The following VPS35L variants were observed in gnomAD, a reference collection of about 807,000 sequenced individuals.
VPS35L encodes the protein VPS35 endosomal protein-sorting factor-like.
A neutral mutation model predicts 133.0 loss-of-function variants in VPS35L; 83 were observed. The ratio of observed to expected loss-of-function variants is 0.62; its 90% CI spans 0.52 to 0.75. VPS35L has a LOEUF of 0.75. Among genes scored for constraint, VPS35L ranks in the 30% least tolerant of loss-of-function variants. The pLI, the probability that VPS35L is intolerant of heterozygous loss-of-function variation, is 0.00. For synonymous variants in VPS35L, 423 were observed against 449.9 expected, an observed-to-expected ratio of 0.94 and a Z score of 0.76; for missense variants, 1,083 against 1,206.8, an observed-to-expected ratio of 0.90 and a Z score of 1.52.
rs1324892309 is a variant in VPS35L, at chr16:19,633,848, T to C, written c.1635+676T>C. Among the ~76,000 whole-genome samples, 1 of 152,112 alleles carries C rather than the reference T, an allele frequency of 6.6e-6. No individual in the cohort carries two copies. The highest frequency in any genetic ancestry group is 1.5e-5 in the Non-Finnish European group (1 of 68,030). On this transcript the variant is annotated intron_variant, in intron 19 of 30. Transcript: ENST00000417362. The surrounding 1 kb of genome is among the most constrained non-coding windows in gnomAD (Gnocchi z 4.1). The stretch of plus-strand genomic sequence containing the variant: ...CACCTTCAATTCTTCTGTCTCAGCC[T>C]TCCGAGTAGCTGGGACTACAGGGGC...
chr16:19,673,297 G>A (rs1974938838), intron 27 of VPS35L, among the ~76,000 whole-genome samples: 1 of 152,214 alleles, frequency 6.6e-6, no homozygotes, highest in Non-Finnish European at 1.5e-5. Flanking sequence ...GTAGATCACA[G>A]AAAATCCCAG....
chr16:19,699,556 C>T lies in VPS35L; in HGVS notation c.2701C>T (p.His901Tyr). 1 of 1,614,212 alleles carries T rather than the reference C, an allele frequency of 6.2e-7. No homozygotes were observed. Among genetic ancestry groups the T allele is most frequent in the Non-Finnish European group, 8.5e-7 (1 of 1,180,042 alleles). Residue 901 changes from histidine to tyrosine, a missense_variant, in exon 30 of 31, where the codon CAT (histidine) becomes TAT (tyrosine). Physicochemically the swap from His to Tyr is moderately conservative, Grantham distance 83. Transcript: ENST00000417362. This position sits in a 1 kb window ranked among gnomAD's most constrained non-coding sequence, Gnocchi z 4.2. The stretch of plus-strand genomic sequence containing the variant: ...TTCCTTCTTTAACAGCATCTTGGCC[C>T]ATGGGGACCTACGCAACAACAAGCT... ...GLSFFNSILA[H>Y]GDLRNNKLNQ...
chr16:19,568,762 C>T (rs2151505030), intron 2 of VPS35L, among the ~76,000 whole-genome samples: 1 of 152,306 alleles, frequency 6.6e-6, no homozygotes, highest in Non-Finnish European at 1.5e-5. Flanking sequence ...CCTCCCACTT[C>T]AGCCTTCTGA....
chr16:19,653,884 C>G (rs1456846271), intron 26 of VPS35L, among the ~76,000 whole-genome samples: 1 of 152,140 alleles, frequency 6.6e-6, no homozygotes, highest in South Asian at 2.1e-4. Context: ...CTTTAAAACT[C>G]GGCTTGGTTT....
At chr16:19,595,989 C>T (rs1597342383) in intron 8 of VPS35L, among the ~76,000 whole-genome samples, 2 of 152,078 alleles carry the variant, frequency 1.3e-5, no homozygotes, top group Non-Finnish European at 1.5e-5. Flanking sequence ...ACTAAAAATA[C>T]AAAAATTAGC....
rs2151618236 is a variant in VPS35L, at chr16:19,682,179, T to C, written c.2362-46T>C. 9 of 1,593,338 alleles carry C rather than the reference T, an allele frequency of 5.6e-6. 1 individual carries two copies. In the East Asian group the frequency reaches 2.0e-4, roughly 36 times the overall value. On this transcript the variant is annotated intron_variant, in intron 27 of 30. Transcript: ENST00000417362. ...TGTGTTGATTTTCTTTTTCCCTCCC[T>C]GCTTCATCTTTGGGATTATTTATCC...
rs182397827 is a variant in VPS35L at position 19,633,857 on chromosome 16, G to C, written c.1635+685G>C. Among the ~76,000 whole-genome samples the C allele has an allele frequency of 3.9e-5, 6 of 152,198 alleles. No individual in the cohort carries two copies. The highest frequency in any genetic ancestry group is 5.9e-5 in the Non-Finnish European group (4 of 68,020). ...TTCTTCTGTCTCAGCCTTCCGAGTAGCTGGGACTACAGGGGCGTGCCACCA... is the reference window on the plus strand; with the variant it reads ...TTCTTCTGTCTCAGCCTTCCGAGTACCTGGGACTACAGGGGCGTGCCACCA... On this transcript the variant is annotated intron_variant, in intron 19 of 30. Coordinates refer to ENST00000417362, the MANE Select transcript of VPS35L (RefSeq NM_020314.7). This position sits in a 1 kb window ranked among gnomAD's most constrained non-coding sequence, Gnocchi z 4.1.
intron 24 of VPS35L, among the ~76,000 whole-genome samples, 176 bp downstream of exon 24, chr16:19,648,058 A>G (rs891380007): frequency 6.6e-5 from 10 of 151,936 alleles, no homozygotes; most frequent in Non-Finnish European, 8.8e-5. Flanking sequence ...GGCTCAAGCA[A>G]TTCTCCCTGT....
intron 21 of VPS35L, 132 bp from the exon 22 acceptor site, chr16:19,642,264 A>C: frequency 1.5e-6 from 1 of 688,074 alleles, no homozygotes. Context: ...GTTACTGGTA[A>C]ACTGGGCTGG....
intron 10 of VPS35L, 187 bp downstream of exon 10, chr16:19,608,461 C>A: frequency 1.9e-6 from 1 of 539,796 alleles, no homozygotes; most frequent in Non-Finnish European, 3.3e-6. Flanking sequence ...CTTGCTCTTT[C>A]CAGTTTTTTG....
intron 1 of VPS35L, among the ~76,000 whole-genome samples, chr16:19,563,323 A>T (rs1366297500): frequency 1.3e-5 from 2 of 151,956 alleles, no homozygotes; most frequent in Admixed American, 1.3e-4. Context: ...CTTAAAAAAA[A>T]AAAAAAGAAA....
intron 8 of VPS35L, among the ~76,000 whole-genome samples, chr16:19,592,829 G>A (rs1413575692): frequency 2.6e-5 from 4 of 151,948 alleles, no homozygotes; most frequent in Non-Finnish European, 5.9e-5. Flanking sequence ...GGGATTACAG[G>A]CACGCACCAC....
At chr16:19,620,342 C>G (rs1279276653) in intron 14 of VPS35L, among the ~76,000 whole-genome samples, 1 of 151,948 alleles carries the variant, frequency 6.6e-6, no homozygotes, top group Non-Finnish European at 1.5e-5. Flanking sequence ...TCTTTTTCCC[C>G]CAAAAAGTAT....
chr16:19,682,060 T>TC (rs1975299079), intron 27 of VPS35L, among the ~76,000 whole-genome samples, 165 bp from the exon 28 acceptor site: 1 of 152,204 alleles, frequency 6.6e-6, no homozygotes, highest in South Asian at 2.1e-4. Context: ...TTTTCCTCTG[T>TC]ATTGTTTAAC....
intron 19 of VPS35L, among the ~76,000 whole-genome samples, chr16:19,637,348 C>T (rs1364971184): frequency 6.6e-6 from 1 of 152,030 alleles, no homozygotes. Context: ...GTTACTTCCC[C>T]AGGACTATGA....
chr16:19,616,015 G>T, intron 12 of VPS35L, 99 bp from the exon 13 acceptor site: 1 of 540,068 alleles, frequency 1.9e-6, no homozygotes, highest in Non-Finnish European at 2.9e-6. Flanking sequence ...GACTTTTTCT[G>T]TGTCTATAAA....
In VPS35L at chr16:19,666,900, CTTT is replaced by C. The variant is rs1567470351; in HGVS notation, c.2222-2259_2222-2257del. On this transcript the variant is annotated intron_variant, in intron 26 of 30. Transcript: ENST00000417362. ...TCTTTCTTTCTTTCTTTCTTTCTTT[CTTT>C]CTTTCTTTCTTTCTTTCTTTCTTTC... Among the ~76,000 whole-genome samples the C allele has an allele frequency of 4.5e-3, 471 of 105,526 alleles. 2 individuals are homozygous for C. The highest frequency in any genetic ancestry group is 0.017 in the African/African-American group (386 of 22,682). The allele number at this position is 105,526 out of a possible 152,430, so 69.2% of individuals were successfully genotyped here.
At chr16:19,669,692 T>C (rs1195946647) in intron 27 of VPS35L, among the ~76,000 whole-genome samples, 1 of 150,548 alleles carries the variant, frequency 6.6e-6, no homozygotes, top group African/African-American at 2.4e-5. Context: ...TTTTTTGAGA[T>C]GGAGTTTCAC....
At chr16:19,591,766 T>C (rs1972050529) in intron 7 of VPS35L, 24 bp from the exon 8 acceptor site, 1 of 1,560,288 alleles carries the variant, frequency 6.4e-7, no homozygotes, top group Non-Finnish European at 8.8e-7. Flanking sequence ...AGAGTGAATT[T>C]TCTCTTTTTT....
Sources: allele counts gnomAD v4.1 joint callset (sites outside exome capture counted in the v4.1 genomes callset), GRCh38; gene constraint gnomAD v4.1.1; non-coding constraint Gnocchi (gnomAD v3.1); transcripts MANE v1.5; gene names NCBI Gene and HGNC (gene_info 2026-07-23, HGNC 2026-07-21).